The following HEBP1 variants were observed in gnomAD, a reference collection of about 807,000 sequenced individuals.
HEBP1 encodes heme binding protein 1, also known as heme-binding protein 1.
A neutral mutation model predicts 20.4 loss-of-function variants in HEBP1; 13 were observed. That is an observed-to-expected ratio of 0.64 (90% CI 0.42 to 1.01). HEBP1 has a LOEUF of 1.01. HEBP1 is among the 50% of genes least tolerant of loss of function. HEBP1 has a pLI of 0.00. For synonymous variants in HEBP1, 92 were observed against 90.7 expected (o/e 1.01, Z -0.08); for missense variants, 241 against 247.3 (o/e 0.97, Z 0.17).
At position 12,996,916 on chromosome 12, in the gene HEBP1, A is replaced by C. The variant is rs2136552840; in HGVS notation, c.78+3121T>G. On this transcript the variant is annotated intron_variant, in intron 1 of 3. Coordinates refer to ENST00000014930, the MANE Select transcript of HEBP1 (RefSeq NM_015987.5). The surrounding 1 kb of genome is among the most constrained non-coding windows in gnomAD (Gnocchi z 4.1). ...ATTATTTTCTTCCACAATTAGCTTC[A>C]GAGGGGCTAAGTTGGCCTGTGACCA... is the stretch of plus-strand genomic sequence containing the variant. Among the ~76,000 whole-genome samples the C allele has an allele frequency of 6.6e-6, 1 of 152,364 alleles. No individual in the cohort carries two copies. Among genetic ancestry groups the C allele is most frequent in the South Asian group, 2.1e-4 (1 of 4,832 alleles).
At chr12:12,989,232 A>G (rs1335601963) in intron 2 of HEBP1, 45 bp downstream of exon 2, 2 of 1,608,228 alleles carry the variant, frequency 1.2e-6, no homozygotes, top group Admixed American at 3.3e-5. Flanking sequence ...AGACCTTGCA[A>G]AGCTGGTCCC....
At chr12:12,994,137 T>C (rs976982729) in intron 1 of HEBP1, among the ~76,000 whole-genome samples, 1 of 152,180 alleles carries the variant, frequency 6.6e-6, no homozygotes, top group Non-Finnish European at 1.5e-5. Context: ...AATGCTCTGA[T>C]CATTTGGGGA....
intron 1 of HEBP1, among the ~76,000 whole-genome samples, chr12:12,993,398 T>C (rs1864250601): frequency 6.6e-6 from 1 of 152,032 alleles, no homozygotes; most frequent in African/African-American, 2.4e-5. Context: ...TTTCACCACG[T>C]TGCCCAAGCT....
rs988566338 is a variant in HEBP1, at chr12:12,998,123, C to G, written c.78+1914G>C. Among the ~76,000 whole-genome samples, 1 of 84,404 alleles carries G rather than the reference C, an allele frequency of 1.2e-5. No individual in the cohort carries two copies. The highest frequency in any genetic ancestry group is 3.6e-5 in the African/African-American group (1 of 27,442). 55.4% of individuals were successfully genotyped at this position (84,404 alleles called of 152,430 possible). A position where few individuals can be genotyped will look rare whatever the true frequency, so the allele number is the denominator to read the frequency against. ...CAAAATCACAGCCTCACTCCTAATA[C>G]TCCCTATTCCTCACTCCCCTGCTTG... is the stretch of plus-strand genomic sequence containing the variant. On this transcript the variant is annotated intron_variant, in intron 1 of 3. Coordinates refer to ENST00000014930, the MANE Select transcript of HEBP1 (RefSeq NM_015987.5). The surrounding 1 kb of genome is among the most constrained non-coding windows in gnomAD (Gnocchi z 4.2).
rs1157308472 is a variant in HEBP1, at chr12:12,976,096, AAAAC to A, written c.399-621_399-618del. 7.9e-5 allele frequency among the ~76,000 whole-genome samples: 12 copies of A among 151,494 alleles called. No individual in the cohort carries two copies. In the South Asian group the frequency reaches 1.0e-3, roughly 13 times the overall value. On this transcript the variant is annotated intron_variant, in intron 3 of 3. Coordinates refer to ENST00000014930, the MANE Select transcript of HEBP1 (RefSeq NM_015987.5). The stretch of plus-strand genomic sequence containing the variant: ...CTGTGTCAAAAAAAAAAAAAAAAAA[AAAAC>A]AAACCAAAAACCAAAACTAAAAAAG...
intron 3 of HEBP1, chr12:12,983,534 GTAC>G (rs1864113341): frequency 5.6e-6 from 2 of 358,810 alleles, no homozygotes; most frequent in South Asian, 4.2e-5. Context: ...ATTTGAAGTA[GTAC>G]ATTTGCCTTC....
chr12:12,987,140 T>G lies in HEBP1; in HGVS notation c.398+12A>C, dbSNP rs1290074267. 6.2e-7 allele frequency: 1 copy of G among 1,608,572 alleles called. No individual in the cohort carries two copies. The highest frequency in any genetic ancestry group is 2.2e-5 in the East Asian group (1 of 44,756). On this transcript the variant is annotated intron_variant, in intron 3 of 3. Coordinates refer to ENST00000014930, the MANE Select transcript of HEBP1 (RefSeq NM_015987.5). ...GCGCCACCCATGGATGCCTGAAGGA[T>G]TGTCTCCTTACATGGAATAGACAGT...
chr12:12,988,526 GCT>G (rs1343838423), intron 2 of HEBP1, among the ~76,000 whole-genome samples: 10 of 152,124 alleles, frequency 6.6e-5, no homozygotes, highest in Admixed American at 1.3e-4. Context: ...CACGTTTTTA[GCT>G]CTCTAAATTA....
chr12:12,998,746 A>G lies in HEBP1; in HGVS notation c.78+1291T>C, dbSNP rs1864319561. Among the ~76,000 whole-genome samples the G allele has an allele frequency of 6.6e-6, 1 of 152,224 alleles. No homozygotes were observed. Among genetic ancestry groups the G allele is most frequent in the South Asian group, 2.1e-4 (1 of 4,822 alleles). On this transcript the variant is annotated intron_variant, in intron 1 of 3. Transcript: ENST00000014930. The surrounding 1 kb of genome is among the most constrained non-coding windows in gnomAD (Gnocchi z 4.2). Reference sequence around the variant, plus strand: ...AATACAGTCCTTTCACAAATGAGGCATCGTATTGGGAGCTCTGTATACAGC... The same window carrying G: ...AATACAGTCCTTTCACAAATGAGGCGTCGTATTGGGAGCTCTGTATACAGC...
intron 3 of HEBP1, chr12:12,978,943 T>G (rs376513277): frequency 2.0e-4 from 30 of 152,280 alleles, no homozygotes; most frequent in African/African-American, 7.2e-4. Flanking sequence ...CTCCTTAGAC[T>G]TGGGACAGAA....
At chr12:12,984,030 GA>G in intron 3 of HEBP1, 1 of 237,154 alleles carries the variant, frequency 4.2e-6, no homozygotes, top group Non-Finnish European at 8.6e-6. Flanking sequence ...GTAACAAACT[GA>G]AACGTATCAA....
chr12:12,999,052 T>G (rs1642202), intron 1 of HEBP1, among the ~76,000 whole-genome samples: 105,508 of 151,684 alleles, frequency 0.7, 39,280 homozygotes, highest in South Asian at 0.85. Flanking sequence ...TCCACTGAGG[T>G]CCCCATCATA....
At chr12:12,983,669 GCTGTGTGAGAACT>G (rs1405108678) in intron 3 of HEBP1, 2 of 455,928 alleles carry the variant, frequency 4.4e-6, no homozygotes, top group Non-Finnish European at 8.8e-6. Flanking sequence ...ATGATCATAT[GCTGTGTGAGAACT>G]CCGTGTTAAA....
At chr12:12,990,364 G>A (rs1195293339) in intron 1 of HEBP1, among the ~76,000 whole-genome samples, 1 of 143,438 alleles carries the variant, frequency 7.0e-6, no homozygotes. Context: ...TTTTTTTTTT[G>A]GTAGAGTCTC....
Position 12,975,215 on chromosome 12 carries a change from C to T in HEBP1, c.*93G>A. ...AGGAAAGTTGGTTAAGTTGGACTTGCAGCTGGAACTTGGGAAGCACTGTCC... is the reference window on the plus strand; with the variant it reads ...AGGAAAGTTGGTTAAGTTGGACTTGTAGCTGGAACTTGGGAAGCACTGTCC... On this transcript the variant is annotated 3_prime_UTR_variant, in exon 4 of 4. Coordinates refer to ENST00000014930, the MANE Select transcript of HEBP1 (RefSeq NM_015987.5). 1 of 1,232,662 alleles carries T rather than the reference C, an allele frequency of 8.1e-7. No homozygotes were observed. The highest frequency in any genetic ancestry group is 2.5e-5 in the East Asian group (1 of 40,742). 76.4% of individuals were successfully genotyped at this position (1,232,662 alleles called of 1,614,324 possible). A position where few individuals can be genotyped will look rare whatever the true frequency, so the allele number is the denominator to read the frequency against.
At chr12:12,983,657 G>T (rs1376895937) in intron 3 of HEBP1, 1 of 455,816 alleles carries the variant, frequency 2.2e-6, no homozygotes, top group Non-Finnish European at 4.4e-6. Flanking sequence ...GCGAGTTGAG[G>T]AATGATCATA....
intron 2 of HEBP1, among the ~76,000 whole-genome samples, chr12:12,987,600 CTCTCTCTCTCTT>C (rs1431283121): frequency 7.5e-6 from 1 of 133,702 alleles, no homozygotes; most frequent in African/African-American, 2.6e-5. Context: ...TTCTCTCTCT[CTCTCTCTCTCTT>C]TCTCTCTCTC....
intron 3 of HEBP1, 22 bp downstream of exon 3, chr12:12,987,130 G>T: frequency 6.2e-7 from 1 of 1,601,346 alleles, no homozygotes; most frequent in Non-Finnish European, 8.5e-7. Context: ...ACCCATGGAT[G>T]CCTGAAGGAT....
At chr12:12,990,757 T>G (rs1365828228) in intron 1 of HEBP1, among the ~76,000 whole-genome samples, 1 of 152,194 alleles carries the variant, frequency 6.6e-6, no homozygotes, top group Non-Finnish European at 1.5e-5. Flanking sequence ...ATGCAGCCTC[T>G]GGCTCCAAGA....
Sources: gnomAD v4.1 joint callset for allele counts (sites outside exome capture counted in the v4.1 genomes callset) on GRCh38, gnomAD v4.1.1 for gene constraint, Gnocchi (gnomAD v3.1) non-coding constraint, MANE v1.5 for transcripts, NCBI Gene and HGNC (gene_info 2026-07-23, HGNC 2026-07-21) for gene names.